The following NTF3 variants were observed in gnomAD, a reference collection of about 807,000 sequenced individuals.
NTF3 encodes neurotrophin 3, also known as neurotrophin-3.
NTF3 carries 8 observed loss-of-function variants against 26.3 expected under a neutral mutation model. The ratio of observed to expected loss-of-function variants is 0.30; its 90% CI spans 0.18 to 0.55. The LOEUF (loss-of-function observed/expected upper bound fraction) is 0.55. NTF3 is among the 20% of genes least tolerant of loss of function. The pLI is 0.93. For synonymous variants in NTF3, 154 were observed against 145.5 expected (o/e 1.06, Z -0.42); for missense variants, 276 against 352.9 (o/e 0.78, Z 1.75).
intron 1 of NTF3, among the ~76,000 whole-genome samples, chr12:5,459,274 A>T (rs1242255272): frequency 6.6e-6 from 1 of 152,156 alleles, no homozygotes; most frequent in South Asian, 2.1e-4. Context: ...CTTGACCCTG[A>T]TAAAGTTTCT....
chr12:5,435,306 G>C (rs187667946), intron 1 of NTF3, among the ~76,000 whole-genome samples: 1 of 152,220 alleles, frequency 6.6e-6, no homozygotes, highest in Admixed American at 6.5e-5. Flanking sequence ...CCATTGCTGG[G>C]TACTGGGGCA....
chr12:5,493,996 T>G (rs1286995009), intron 1 of NTF3, 198 bp from the exon 2 acceptor site: 3 of 591,988 alleles, frequency 5.1e-6, no homozygotes, highest in African/African-American at 3.7e-5. Context: ...AGACCTGGAG[T>G]GCATTCGCAG....
At chr12:5,464,124 CT>C (rs1036486117) in intron 1 of NTF3, among the ~76,000 whole-genome samples, 8 of 152,206 alleles carry the variant, frequency 5.3e-5, no homozygotes, top group African/African-American at 1.9e-4. Context: ...GACAGCGTGA[CT>C]GTTCCTTCCT....
chr12:5,476,501 C>G (rs1255199690), intron 1 of NTF3, among the ~76,000 whole-genome samples: 1 of 152,224 alleles, frequency 6.6e-6, no homozygotes, highest in East Asian at 1.9e-4. Flanking sequence ...GGCCGCGTTT[C>G]CCTGTCTTTA....
chr12:5,432,433 C>G (rs965329507), intron 1 of NTF3, 91 bp downstream of exon 1: 12 of 1,410,528 alleles, frequency 8.5e-6, no homozygotes, highest in African/African-American at 4.2e-5. Context: ...GTGCGGGGGG[C>G]CCCAGATCCG....
At chr12:5,480,914 A>C (rs1004002614) in intron 1 of NTF3, among the ~76,000 whole-genome samples, 3 of 152,144 alleles carry the variant, frequency 2.0e-5, no homozygotes, top group South Asian at 2.1e-4. Context: ...AACTTGACCC[A>C]GAGTTTCTCC....
intron 1 of NTF3, among the ~76,000 whole-genome samples, chr12:5,432,974 G>C (rs898918290): frequency 3.3e-5 from 5 of 152,212 alleles, no homozygotes; most frequent in Admixed American, 6.5e-5. Context: ...GCGTGGGCTG[G>C]GGGGAGGGGA....
At chr12:5,464,962 C>T (rs1344344776) in intron 1 of NTF3, among the ~76,000 whole-genome samples, 13 of 152,148 alleles carry the variant, frequency 8.5e-5, no homozygotes, top group Non-Finnish European at 1.2e-4. Flanking sequence ...ACATCATGGT[C>T]GTCTTCTTCA....
intron 1 of NTF3, among the ~76,000 whole-genome samples, chr12:5,472,921 A>T (rs1475977320): frequency 1.3e-5 from 2 of 152,174 alleles, no homozygotes; most frequent in African/African-American, 4.8e-5. Context: ...GAATTTCCTA[A>T]GGGGAAAACA....
In NTF3 at chr12:5,456,641, A is replaced by G. The variant is rs1940454567; in HGVS notation, c.18+24299A>G. Among the ~76,000 whole-genome samples the G allele has an allele frequency of 6.6e-6, 1 of 151,936 alleles. No individual in the cohort carries two copies. Among genetic ancestry groups the G allele is most frequent in the Non-Finnish European group, 1.5e-5 (1 of 67,972 alleles). On this transcript the variant is annotated intron_variant, in intron 1 of 1. Coordinates refer to ENST00000423158, the MANE Select transcript of NTF3 (RefSeq NM_001102654.2). This position sits in a 1 kb window ranked among gnomAD's most constrained non-coding sequence, Gnocchi z 4.4. The stretch of plus-strand genomic sequence containing the variant: ...CCCACCCCCAGCCCCTGGAGCAGGT[A>G]CTCGGGGTCAGAGCTCTGCTGAGGG...
chr12:5,495,045 G>C lies in NTF3; in HGVS notation c.*57G>C. The C allele has an allele frequency of 6.9e-7, 1 of 1,449,384 alleles. No homozygotes were observed. The highest frequency in any genetic ancestry group is 9.4e-7 in the Non-Finnish European group (1 of 1,059,806). 89.8% of individuals were successfully genotyped at this position (1,449,384 alleles called of 1,614,324 possible). A position where few individuals can be genotyped will look rare whatever the true frequency, so the allele number is the denominator to read the frequency against. On this transcript the variant is annotated 3_prime_UTR_variant, in exon 2 of 2. Transcript: ENST00000423158. Reference sequence around the variant, plus strand: ...CTTTAAATTATATGATATGCATGTAGCATATAAATGTTTATATTGTTTTTA... The same window carrying C: ...CTTTAAATTATATGATATGCATGTACCATATAAATGTTTATATTGTTTTTA...
chr12:5,481,157 G>C (rs535508954), intron 1 of NTF3, among the ~76,000 whole-genome samples: 2 of 152,114 alleles, frequency 1.3e-5, no homozygotes, highest in African/African-American at 4.8e-5. Flanking sequence ...CTAGCGCCGG[G>C]ATGGTCTCTG....
At chr12:5,484,916 A>T (rs1348473767) in intron 1 of NTF3, among the ~76,000 whole-genome samples, 1 of 152,222 alleles carries the variant, frequency 6.6e-6, no homozygotes, top group Non-Finnish European at 1.5e-5. Flanking sequence ...TTAACAGATC[A>T]AAACAGGGGA....
rs1185381853 is a variant in NTF3 at position 5,481,288 on chromosome 12, C to T, written c.19-12906C>T. On this transcript the variant is annotated intron_variant, in intron 1 of 1. Coordinates refer to ENST00000423158, the MANE Select transcript of NTF3 (RefSeq NM_001102654.2). Reference sequence around the variant, plus strand: ...AGGGGAGGCTGGGAGTAGACGCAGGCTCTTGATCCCTTCTGCTTTTTGGCA... The same window carrying T: ...AGGGGAGGCTGGGAGTAGACGCAGGTTCTTGATCCCTTCTGCTTTTTGGCA... Among the ~76,000 whole-genome samples, 4 of 151,988 alleles carry T rather than the reference C, an allele frequency of 2.6e-5. No homozygotes were observed. In the East Asian group the frequency reaches 7.7e-4, roughly 29 times the overall value.
At chr12:5,481,752 A>G (rs1442836937) in intron 1 of NTF3, among the ~76,000 whole-genome samples, 2 of 150,566 alleles carry the variant, frequency 1.3e-5, no homozygotes, top group Non-Finnish European at 3.0e-5. Context: ...CACCACACAC[A>G]TATGCACACC....
In NTF3 at chr12:5,434,505, G is replaced by A. The variant is rs560271166; in HGVS notation, c.18+2163G>A. ...TGTGTGTGTGTGTGTGTGTGTGTGTGTAGGGGAAGGTGGCAAAAGAGCTGG... is the reference window on the plus strand; with the variant it reads ...TGTGTGTGTGTGTGTGTGTGTGTGTATAGGGGAAGGTGGCAAAAGAGCTGG... On this transcript the variant is annotated intron_variant, in intron 1 of 1. Coordinates refer to ENST00000423158, the MANE Select transcript of NTF3 (RefSeq NM_001102654.2). Among the ~76,000 whole-genome samples the A allele has an allele frequency of 2.0e-5, 3 of 151,206 alleles. No homozygotes were observed. The South Asian group carries it at 6.3e-4, about 32-fold the overall frequency.
chr12:5,472,168 A>G (rs1423108855), intron 1 of NTF3, among the ~76,000 whole-genome samples: 2 of 152,078 alleles, frequency 1.3e-5, no homozygotes, highest in Non-Finnish European at 2.9e-5. Flanking sequence ...ATTCCTACAC[A>G]CTGACATTAC....
chr12:5,448,225 C>T (rs1051815173), intron 1 of NTF3, among the ~76,000 whole-genome samples: 1 of 152,222 alleles, frequency 6.6e-6, no homozygotes, highest in Non-Finnish European at 1.5e-5. Flanking sequence ...TTGAAACATC[C>T]ATAGTCCCAT....
At chr12:5,455,814 CCTT>C (rs1057245675) in intron 1 of NTF3, among the ~76,000 whole-genome samples, 2 of 152,120 alleles carry the variant, frequency 1.3e-5, no homozygotes, top group Admixed American at 6.5e-5. Context: ...CTGGCTCTAT[CCTT>C]CTTTTGGCTG....
Sources: gnomAD v4.1 joint callset for allele counts (sites outside exome capture counted in the v4.1 genomes callset) on GRCh38, gnomAD v4.1.1 for gene constraint, Gnocchi (gnomAD v3.1) non-coding constraint, MANE v1.5 for transcripts, NCBI Gene and HGNC (gene_info 2026-07-23, HGNC 2026-07-21) for gene names.